Variants in RPA1 observed in about 807,000 individuals in gnomAD.
The protein encoded by RPA1 is replication protein A1, also known as replication protein A 70 kDa DNA-binding subunit.
RPA1 carries 49 observed loss-of-function variants against 83.0 expected under a neutral mutation model. The observed-to-expected ratio is 0.59, with a 90% confidence interval of 0.47 to 0.75. The LOEUF (loss-of-function observed/expected upper bound fraction) is 0.75, where lower values mean the gene tolerates loss of function less well. Ranked by LOEUF, RPA1 falls within the 30% of genes least tolerant of loss-of-function variation. RPA1 has a pLI of 0.00. For missense variants in RPA1, 693 were observed against 776.1 expected, an observed-to-expected ratio of 0.89 and a Z score of 1.27; for synonymous variants, 279 against 281.8, an observed-to-expected ratio of 0.99 and a Z score of 0.10.
chr17:1,883,367 T>G (rs1349574601), intron 12 of RPA1, among the ~76,000 whole-genome samples: 2 of 152,108 alleles, frequency 1.3e-5, no homozygotes, highest in Non-Finnish European at 2.9e-5. Context: ...TTCACCATGT[T>G]GGCCAGGATA....
At chr17:1,847,017 T>C (rs1184408801) in intron 4 of RPA1, among the ~76,000 whole-genome samples, 1 of 152,238 alleles carries the variant, frequency 6.6e-6, no homozygotes, top group Non-Finnish European at 1.5e-5. Flanking sequence ...ATTCATATAG[T>C]CGTACTTATT....
At chr17:1,837,533 A>G (rs1354473618) in intron 1 of RPA1, among the ~76,000 whole-genome samples, 1 of 152,236 alleles carries the variant, frequency 6.6e-6, no homozygotes, top group African/African-American at 2.4e-5. Context: ...TGTGTAAAAG[A>G]AATCGCCAAC....
At chr17:1,831,754 A>G (rs989106547) in intron 1 of RPA1, among the ~76,000 whole-genome samples, 6 of 150,642 alleles carry the variant, frequency 4.0e-5, no homozygotes, top group East Asian at 3.9e-4. Context: ...ACCCGCCACC[A>G]CGCCCGGCTA....
Position 1,879,849 on chromosome 17 carries a change from A to G in RPA1, c.1092+150A>G. 23 of 955,878 alleles carry G rather than the reference A, an allele frequency of 2.4e-5. 1 individual carries two copies. In the South Asian group the frequency reaches 3.7e-4, roughly 15 times the overall value. 59.2% of individuals were successfully genotyped at this position (955,878 alleles called of 1,614,324 possible). A position where few individuals can be genotyped will look rare whatever the true frequency, so the allele number is the denominator to read the frequency against. On this transcript the variant is annotated intron_variant, in intron 11 of 16. Transcript: ENST00000254719. ...TCTTATCCTATAGGATGGGGCCTTC[A>G]GCACACACAGGAGGAGCTCCAGGAG...
At chr17:1,840,274 G>T (rs1396617157) in intron 1 of RPA1, among the ~76,000 whole-genome samples, 1 of 151,964 alleles carries the variant, frequency 6.6e-6, no homozygotes, top group African/African-American at 2.4e-5. Context: ...GGGACTACAG[G>T]TGTGCACCAC....
rs1444072801 is a variant in RPA1 at position 1,890,437 on chromosome 17, C to T, written c.1552-1396C>T. Among the ~76,000 whole-genome samples the T allele has an allele frequency of 5.9e-5, 9 of 151,946 alleles. 1 individual carries two copies. The highest frequency in any genetic ancestry group is 2.6e-4 in the Admixed American group (4 of 15,248). On this transcript the variant is annotated intron_variant, in intron 14 of 16. Transcript: ENST00000254719. ...CAGCACTTTGGGAGGCTGAGGCAGG[C>T]GGATCACGAGGTCAGGAGATCGAGA...
At chr17:1,841,515 G>T (rs1912046198) in intron 1 of RPA1, among the ~76,000 whole-genome samples, 1 of 152,128 alleles carries the variant, frequency 6.6e-6, no homozygotes, top group Non-Finnish European at 1.5e-5. Context: ...TGTTGGCCAG[G>T]CTGGTCTCAA....
chr17:1,831,431 C>G (rs1911575839), intron 1 of RPA1, among the ~76,000 whole-genome samples: 1 of 152,022 alleles, frequency 6.6e-6, no homozygotes, highest in African/African-American at 2.4e-5. Context: ...ATACTGGCAC[C>G]GTCTTTTTTT....
intron 12 of RPA1, among the ~76,000 whole-genome samples, chr17:1,881,556 C>T (rs1011584462): frequency 2.2e-4 from 34 of 152,166 alleles, no homozygotes; most frequent in Non-Finnish European, 5.9e-5. Flanking sequence ...CTGCAGGGCC[C>T]GTTCATAGTC....
intron 1 of RPA1, among the ~76,000 whole-genome samples, chr17:1,832,791 A>G (rs1911672082): frequency 6.6e-6 from 1 of 152,224 alleles, no homozygotes; most frequent in Non-Finnish European, 1.5e-5. Flanking sequence ...AGGAGGATGG[A>G]GTGAGTTATT....
chr17:1,830,149 G>T, intron 1 of RPA1, 23 bp downstream of exon 1: 1 of 1,241,786 alleles, frequency 8.1e-7, no homozygotes, highest in Non-Finnish European at 1.0e-6. Context: ...CGGGGGCTGG[G>T]CCGGCGGTCC....
chr17:1,888,697 C>G lies in RPA1; in HGVS notation c.1397C>G (p.Ala466Gly), dbSNP rs150901352. Residue 466 changes from alanine (A) to glycine (G), a missense_variant, in exon 14 of 17, where the codon GCC becomes GGC. By Grantham distance (60) the Ala-to-Gly change is moderately conservative. Transcript: ENST00000254719. ...GDKPDYFSSV[A>G]TVVYLRKENC... The stretch of plus-strand genomic sequence containing the variant: ...AAGCCGGACTACTTTAGTTCTGTGG[C>G]CACAGTGGTGTATCTTCGCAAAGAG... 6.7e-4 allele frequency: 1,074 copies of G among 1,613,730 alleles called. 2 individuals are homozygous for G. The highest frequency in any genetic ancestry group is 8.6e-4 in the Non-Finnish European group (1,011 of 1,179,816).
intron 5 of RPA1, among the ~76,000 whole-genome samples, chr17:1,868,760 T>C (rs1374047204): frequency 6.6e-6 from 1 of 152,146 alleles, no homozygotes; most frequent in East Asian, 1.9e-4. Context: ...AAAGAAATTG[T>C]CTGATATTTA....
intron 5 of RPA1, among the ~76,000 whole-genome samples, chr17:1,864,865 A>G (rs935575978): frequency 1.3e-5 from 2 of 152,192 alleles, no homozygotes; most frequent in African/African-American, 4.8e-5. Flanking sequence ...GTGCCATTGC[A>G]CTCCAGCCTG....
intron 4 of RPA1, 56 bp downstream of exon 4, chr17:1,844,742 G>C (rs1321725729): frequency 7.5e-7 from 1 of 1,334,990 alleles, no homozygotes; most frequent in Admixed American, 2.0e-5. Flanking sequence ...ACAAATTTAG[G>C]AATAAAAAAG....
intron 1 of RPA1, among the ~76,000 whole-genome samples, chr17:1,831,282 C>CT: frequency 6.6e-6 from 1 of 152,214 alleles, no homozygotes; most frequent in East Asian, 1.9e-4. Flanking sequence ...GCACCATTAT[C>CT]TATTCAGTTC....
intron 13 of RPA1, among the ~76,000 whole-genome samples, chr17:1,886,487 G>A (rs1328930921): frequency 3.3e-5 from 5 of 152,190 alleles, no homozygotes; most frequent in Non-Finnish European, 7.3e-5. Context: ...GAATGTTCTT[G>A]ATGGCATCTT....
chr17:1,865,865 G>A (rs963343057), intron 5 of RPA1, among the ~76,000 whole-genome samples: 2 of 152,000 alleles, frequency 1.3e-5, no homozygotes, highest in African/African-American at 4.8e-5. Flanking sequence ...AAACTCCTGG[G>A]CTCAAGCGAT....
intron 5 of RPA1, among the ~76,000 whole-genome samples, chr17:1,871,757 T>A (rs779976358): frequency 6.6e-6 from 1 of 152,164 alleles, no homozygotes; most frequent in Non-Finnish European, 1.5e-5. Flanking sequence ...GACACGCTCA[T>A]TTCCCCCCCT....
Sources: allele counts gnomAD v4.1 joint callset (sites outside exome capture counted in the v4.1 genomes callset), GRCh38; gene constraint gnomAD v4.1.1; transcripts MANE v1.5; gene names NCBI Gene and HGNC (gene_info 2026-07-23, HGNC 2026-07-21).